DNAH14: variants seen among roughly 807,000 people sequenced by gnomAD.
DNAH14 encodes axonemal beta dynein heavy chain 14.
Under a neutral mutation model 520.9 loss-of-function variants are expected in DNAH14, and 478 were observed. The ratio of observed to expected loss-of-function variants is 0.92; its 90% CI spans 0.85 to 0.99. The LOEUF (loss-of-function observed/expected upper bound fraction) is 0.99. DNAH14 is among the 50% of genes least tolerant of loss of function. DNAH14 has a pLI of 0.00. For missense variants in DNAH14, 4,831 were observed against 5,234.5 expected, an observed-to-expected ratio of 0.92 and a Z score of 2.38; for synonymous variants, 1,581 against 1,757.2, an observed-to-expected ratio of 0.90 and a Z score of 2.51.
chr1:225,395,913 C>T (rs938534624), intron 84 of DNAH14: 1 of 152,020 alleles, frequency 6.6e-6, no homozygotes, highest in Admixed American at 6.6e-5. Context: ...AATTAGTGAA[C>T]GTTAGGAACA....
chr1:225,082,331 T>A (rs1335787869), intron 19 of DNAH14, among the ~76,000 whole-genome samples: 1 of 152,174 alleles, frequency 6.6e-6, no homozygotes, highest in Non-Finnish European at 1.5e-5. Flanking sequence ...TTTAGTCACC[T>A]GTCCTTATAA....
chr1:225,343,490 A>C (rs1347200930), intron 69 of DNAH14, among the ~76,000 whole-genome samples: 3 of 152,162 alleles, frequency 2.0e-5, no homozygotes, highest in Non-Finnish European at 1.5e-5. Context: ...ACCCAATTCC[A>C]AAAAGAGATA....
chr1:225,002,642 A>G (rs2063851807), intron 8 of DNAH14, 141 bp from the exon 9 acceptor site: 1 of 826,692 alleles, frequency 1.2e-6, no homozygotes, highest in Non-Finnish European at 1.8e-6. Context: ...CCTAATGCTT[A>G]CTAATCATTA....
At chr1:225,248,149 C>T (rs1213810860) in intron 43 of DNAH14, among the ~76,000 whole-genome samples, 3 of 151,980 alleles carry the variant, frequency 2.0e-5, no homozygotes, top group Admixed American at 1.3e-4. Flanking sequence ...TAAGATAACA[C>T]CAAAATAAAG....
At chr1:225,137,024 T>C (rs1030896862) in intron 27 of DNAH14, among the ~76,000 whole-genome samples, 7 of 152,226 alleles carry the variant, frequency 4.6e-5, no homozygotes, top group South Asian at 4.1e-4. Flanking sequence ...CTCTCTAAAT[T>C]GGCTGTTCTG....
intron 1 of DNAH14, among the ~76,000 whole-genome samples, chr1:224,947,035 A>C (rs1325428782): frequency 2.7e-5 from 4 of 149,622 alleles, no homozygotes; most frequent in Non-Finnish European, 5.9e-5. Context: ...CTCCTGCCTC[A>C]GCCTCCCGAG....
At chr1:225,158,525 G>A (rs1244422444) in intron 34 of DNAH14, among the ~76,000 whole-genome samples, 1 of 152,108 alleles carries the variant, frequency 6.6e-6, no homozygotes, top group Non-Finnish European at 1.5e-5. Context: ...TTACTCGAGT[G>A]GACTCGTCGC....
Position 225,007,433 on chromosome 1 carries a change from T to G in DNAH14, c.996T>G (p.Tyr332Ter), listed in dbSNP as rs907951377. Residue 332 changes from tyrosine to a stop codon, truncating the protein, a stop_gained, in exon 10 of 86, where the codon TAT becomes TAG. Transcript: ENST00000682510. LOFTEE classifies it high-confidence loss of function. ...ATTAGCTGGATAGTTCTCGAACATA[T>G]TCTCTAGATGAATTTTGTGAAGAGC... ...CLVKLDSSRT[Y>*]SLDEFCEEQL... The G allele has an allele frequency of 1.4e-5, 21 of 1,537,946 alleles. No individual in the cohort carries two copies. In the East Asian group the frequency reaches 4.7e-4, roughly 35 times the overall value.
At chr1:225,240,393 TAA>T (rs1032222104) in intron 42 of DNAH14, among the ~76,000 whole-genome samples, 198 bp from the exon 43 acceptor site, 1 of 151,568 alleles carries the variant, frequency 6.6e-6, no homozygotes, top group Non-Finnish European at 1.5e-5. Flanking sequence ...TATGGTACTT[TAA>T]AAAAATAGTA....
intron 60 of DNAH14, among the ~76,000 whole-genome samples, chr1:225,312,092 T>C (rs1220206420): frequency 6.6e-6 from 1 of 152,198 alleles, no homozygotes; most frequent in Non-Finnish European, 1.5e-5. Context: ...GGAATGTTTT[T>C]CCGTTTGTTT....
At position 224,982,458 on chromosome 1, in the gene DNAH14, C is replaced by T. The variant is rs536244384; in HGVS notation, c.830+8305C>T. 1.1e-4 allele frequency among the ~76,000 whole-genome samples: 17 copies of T among 152,246 alleles called. No homozygotes were observed. The South Asian group carries it at 2.9e-3, about 26-fold the overall frequency. ...AGGAAAAATACAACAACTGATGCTCCGTGTGAGGAAAAATACAACATGCTG... is the reference window on the plus strand; with the variant it reads ...AGGAAAAATACAACAACTGATGCTCTGTGTGAGGAAAAATACAACATGCTG... On this transcript the variant is annotated intron_variant, in intron 8 of 85. Coordinates refer to ENST00000682510, the MANE Select transcript of DNAH14 (RefSeq NM_001367479.1).
Position 225,159,438 on chromosome 1 carries a change from AT to A in DNAH14, c.5403del (p.Pro1802GlnfsTer3). 6.5e-7 allele frequency: 1 copy of A among 1,543,402 alleles called. No homozygotes were observed. ...VPLFENIIGD[I>X]FPEVTVLKVN... ...ACTTTTTGAAAATATTATAGGAGATATTTTTCCAGAAGTGACAGTTTTGAAA... is the reference window on the plus strand; with the variant it reads ...ACTTTTTGAAAATATTATAGGAGATATTTTCCAGAAGTGACAGTTTTGAAA... On this transcript the variant is annotated frameshift_variant, in exon 35 of 86. Coordinates refer to ENST00000682510, the MANE Select transcript of DNAH14 (RefSeq NM_001367479.1). LOFTEE classifies it high-confidence loss of function.
intron 55 of DNAH14, among the ~76,000 whole-genome samples, chr1:225,297,418 T>C (rs2094034173): frequency 6.6e-6 from 1 of 152,180 alleles, no homozygotes; most frequent in South Asian, 2.1e-4. Context: ...TTTGGAGATT[T>C]CATGTTTCCT....
chr1:225,152,083 A>G lies in DNAH14; in HGVS notation c.5009+10A>G, dbSNP rs1376575196. The G allele has an allele frequency of 2.6e-6, 4 of 1,545,834 alleles. No homozygotes were observed. The South Asian group carries it at 4.8e-5, about 19-fold the overall frequency. ...TCACCATGAATCCCAGGTAAGTATC[A>G]GTAAATCTAGTGGGAATAGACACAG... On this transcript the variant is annotated intron_variant, in intron 32 of 85. Transcript: ENST00000682510.
intron 15 of DNAH14, 33 bp from the exon 16 acceptor site, chr1:225,050,177 C>T (rs2068404881): frequency 6.7e-7 from 1 of 1,500,642 alleles, no homozygotes; most frequent in Non-Finnish European, 8.9e-7. Flanking sequence ...AATGGCATTT[C>T]TGAAGTACTG....
rs2095572921 is a variant in DNAH14, at chr1:225,367,871, G to A, written c.12157G>A (p.Gly4053Arg). The change falls in exon 77 of 86, where the codon GGA becomes AGA. Residue 4053 changes from glycine (G) to arginine (R), a missense_variant. Physicochemically the swap from Gly to Arg is moderately radical, Grantham distance 125. Coordinates refer to ENST00000682510, the MANE Select transcript of DNAH14 (RefSeq NM_001367479.1). ...LLQTFGCTGS[G>R]EVTEEIFENP... ...TCAGACATTTGGATGTACTGGGAGT[G>A]GAGAGGTAACAGAAGAGATATTTGA... is the stretch of plus-strand genomic sequence containing the variant. 2 of 1,551,554 alleles carry A rather than the reference G, an allele frequency of 1.3e-6. No homozygotes were observed. The highest frequency in any genetic ancestry group is 1.4e-5 in the African/African-American group (1 of 73,162).
At chr1:225,094,677 AAC>A (rs1422684062) in intron 21 of DNAH14, among the ~76,000 whole-genome samples, 7 of 92,872 alleles carry the variant, frequency 7.5e-5, no homozygotes, top group Non-Finnish European at 1.3e-4. Flanking sequence ...AAAAAAAAAA[AAC>A]AACAAAACAA....
chr1:224,972,226 A>C (rs1216014929), intron 7 of DNAH14, among the ~76,000 whole-genome samples: 1 of 152,158 alleles, frequency 6.6e-6, no homozygotes, highest in African/African-American at 2.4e-5. Flanking sequence ...ATATTTACTT[A>C]ATTTGTACTT....
At chr1:225,018,949 C>T (rs1029291444) in intron 10 of DNAH14, among the ~76,000 whole-genome samples, 12 of 151,974 alleles carry the variant, frequency 7.9e-5, no homozygotes, top group African/African-American at 1.4e-4. Context: ...CACAAAAACA[C>T]GCTTGAGTAC....
Sources: gnomAD v4.1 joint callset for allele counts (sites outside exome capture counted in the v4.1 genomes callset) on GRCh38, gnomAD v4.1.1 for gene constraint, MANE v1.5 for transcripts, NCBI Gene and HGNC (gene_info 2026-07-23, HGNC 2026-07-21) for gene names.